Variants in ABCC2 observed in about 807,000 individuals in gnomAD.
ABCC2 encodes ATP binding cassette subfamily C member 2.
Under a neutral mutation model 173.4 loss-of-function variants are expected in ABCC2, and 157 were observed. The observed-to-expected ratio is 0.91, with a 90% CI of 0.80 to 1.03. The LOEUF (loss-of-function observed/expected upper bound fraction) is 1.03, where lower values mean the gene tolerates loss of function less well. Among genes scored for constraint, ABCC2 ranks in the 50% least tolerant of loss-of-function variants. The pLI, the probability that ABCC2 is intolerant of heterozygous loss-of-function variation, is 0.00. For missense variants in ABCC2, 1,822 were observed against 1,852.3 expected, an observed-to-expected ratio of 0.98 and a Z score of 0.30; for synonymous variants, 657 against 693.5, an observed-to-expected ratio of 0.95 and a Z score of 0.83.
At chr10:99,806,834 A>G (rs1199587805) in intron 11 of ABCC2, among the ~76,000 whole-genome samples, 1 of 152,190 alleles carries the variant, frequency 6.6e-6, no homozygotes, top group African/African-American at 2.4e-5. Context: ...ATTATCCTAA[A>G]CTTCTTAAAA....
chr10:99,841,398 C>CA (rs1280516477), intron 25 of ABCC2, among the ~76,000 whole-genome samples: 2 of 151,914 alleles, frequency 1.3e-5, no homozygotes, highest in Non-Finnish European at 2.9e-5. Flanking sequence ...ACAAAAAATA[C>CA]AAAAAAATTA....
intron 3 of ABCC2, among the ~76,000 whole-genome samples, chr10:99,792,926 A>G (rs1257403719): frequency 6.6e-6 from 1 of 152,210 alleles, no homozygotes; most frequent in Non-Finnish European, 1.5e-5. Context: ...TCGCAAACCT[A>G]CGTTCAGGCA....
rs754902981 is a variant in ABCC2 at position 99,834,501 on chromosome 10, T to A, written c.3380T>A (p.Val1127Asp). The change falls in exon 24 of 32, where the codon GTC (valine) becomes GAC (aspartate). Residue 1127 changes from valine (V) to aspartate (D), a missense_variant. By Grantham distance (152) the Val-to-Asp change is radical (BLOSUM62 -3). Coordinates refer to ENST00000647814, the MANE Select transcript of ABCC2 (RefSeq NM_000392.5). ...GCCACTCCTGTCTTCACCATCATCG[T>A]CATTCCTCTTGGCATTATTTATGTA... ...CMATPVFTII[V>D]IPLGIIYVSV... The A allele has an allele frequency of 3.1e-6, 5 of 1,614,084 alleles. No individual in the cohort carries two copies. The Admixed American group carries it at 5.0e-5, about 16-fold the overall frequency.
At chr10:99,850,458 C>T in intron 30 of ABCC2, 144 bp from the exon 31 acceptor site, 2 of 771,780 alleles carry the variant, frequency 2.6e-6, no homozygotes, top group Non-Finnish European at 4.4e-6. Flanking sequence ...CAAGGTACAG[C>T]TAGTTGAAGA....
chr10:99,834,767 C>T (rs2038793020), intron 24 of ABCC2, among the ~76,000 whole-genome samples: 1 of 152,162 alleles, frequency 6.6e-6, no homozygotes, highest in Non-Finnish European at 1.5e-5. Context: ...CTAACTGCTG[C>T]CCACCCTTCA....
chr10:99,805,717 A>G (rs1021099009), intron 11 of ABCC2, among the ~76,000 whole-genome samples: 3 of 151,996 alleles, frequency 2.0e-5, no homozygotes, highest in African/African-American at 4.8e-5. Context: ...AACCCCTACA[A>G]ACTTTTCACC....
At chr10:99,788,208 T>C (rs891833190) in intron 2 of ABCC2, among the ~76,000 whole-genome samples, 3 of 152,228 alleles carry the variant, frequency 2.0e-5, no homozygotes, top group Non-Finnish European at 4.4e-5. Flanking sequence ...TACGTACATA[T>C]ATTTTTTCAC....
At chr10:99,797,068 T>C in intron 6 of ABCC2, 29 bp from the exon 7 acceptor site, 1 of 1,602,922 alleles carries the variant, frequency 6.2e-7, no homozygotes, top group Non-Finnish European at 8.5e-7. Flanking sequence ...AGCCTGGGGG[T>C]CTCAGCCTGT....
chr10:99,833,673 A>G (rs1176718105), intron 23 of ABCC2, among the ~76,000 whole-genome samples: 1 of 152,206 alleles, frequency 6.6e-6, no homozygotes, highest in African/African-American at 2.4e-5. Context: ...AAGGTAGGTT[A>G]GACTCAGGAG....
At chr10:99,801,626 A>G (rs1039316162) in intron 9 of ABCC2, among the ~76,000 whole-genome samples, 1 of 152,248 alleles carries the variant, frequency 6.6e-6, no homozygotes, top group Admixed American at 6.5e-5. Context: ...TTGTTCCTTA[A>G]GAAATGAAAA....
At chr10:99,834,358 T>C (rs2038785018) in intron 23 of ABCC2, 22 bp from the exon 24 acceptor site, 2 of 1,613,294 alleles carry the variant, frequency 1.2e-6, no homozygotes, top group Non-Finnish European at 1.7e-6. Context: ...TGATGGTGTA[T>C]CTCTCCTAAT....
At position 99,793,635 on chromosome 10, in the gene ABCC2, A is replaced by T. The variant is rs1432089433; in HGVS notation, c.418A>T (p.Ile140Leu). ...CCTGTCCCTATTCTGGATTCTCTCG[A>T]TACTCTGTGGCACTTTCCAATTTCA... ...WFLSLFWILS[I>L]LCGTFQFQTL... The change falls in exon 4 of 32, where the codon ATA (isoleucine) becomes TTA (leucine). Residue 140 changes from isoleucine to leucine, a missense_variant. By Grantham distance (5) the Ile-to-Leu change is conservative. Coordinates refer to ENST00000647814, the MANE Select transcript of ABCC2 (RefSeq NM_000392.5). The T allele has an allele frequency of 6.2e-7, 1 of 1,614,064 alleles. No individual in the cohort carries two copies. Among genetic ancestry groups the T allele is most frequent in the Admixed American group, 1.7e-5 (1 of 59,988 alleles).
rs1308714866 is a variant in ABCC2 at position 99,814,258 on chromosome 10, C to G, written c.2094+1114C>G. Among the ~76,000 whole-genome samples, 16 of 49,976 alleles carry G rather than the reference C, an allele frequency of 3.2e-4. 2 individuals carry two copies. The highest frequency in any genetic ancestry group is 5.3e-4 in the Non-Finnish European group (13 of 24,616). The allele number at this position is 49,976 out of a possible 152,430, so 32.8% of individuals were successfully genotyped here. A position where few individuals can be genotyped will look rare whatever the true frequency, so the allele number is the denominator to read the frequency against. On this transcript the variant is annotated intron_variant, in intron 16 of 31. Coordinates refer to ENST00000647814, the MANE Select transcript of ABCC2 (RefSeq NM_000392.5). ...GTATATATGCACACACGTATGTATA[C>G]ACACGTATGTATACACACGTATGTA...
At chr10:99,795,795 GAAAGAA>G (rs1248586426) in intron 6 of ABCC2, among the ~76,000 whole-genome samples, 14,672 of 123,882 alleles carry the variant, frequency 0.12, 1,125 homozygotes, top group Middle Eastern at 0.18. Flanking sequence ...AAGAAAGAAA[GAAAGAA>G]AGATTTCTAA....
chr10:99,821,394 C>T (rs1013260336), intron 19 of ABCC2, among the ~76,000 whole-genome samples: 1 of 152,096 alleles, frequency 6.6e-6, no homozygotes, highest in Non-Finnish European at 1.5e-5. Flanking sequence ...TTACGGGTGT[C>T]GGGCTGGGGG....
At chr10:99,792,200 T>C (rs747758978) in intron 2 of ABCC2, 34 bp from the exon 3 acceptor site, 39 of 1,613,240 alleles carry the variant, frequency 2.4e-5, no homozygotes, top group Non-Finnish European at 3.3e-5. Flanking sequence ...TAAAGAATGA[T>C]ATCCTCTTAA....
In ABCC2 at chr10:99,817,472, GA is replaced by G. The variant is rs1564687941; in HGVS notation, c.2260del (p.Ile754LeufsTer6). The G allele has an allele frequency of 1.9e-6, 3 of 1,614,040 alleles. No homozygotes were observed. The highest frequency in any genetic ancestry group is 1.7e-6 in the Non-Finnish European group (2 of 1,180,028). On this transcript the variant is annotated frameshift_variant, in exon 17 of 32. Transcript: ENST00000647814. LOFTEE classifies it high-confidence loss of function. ...EMLPGGDLAE[I>X]GEKGINLSGG... is the part of the protein sequence containing the mutation. ...TGCTGCCTGGAGGAGATTTGGCTGA[GA>G]TTGGAGAGAAGGTACTTGGGATAAC...
At chr10:99,831,181 G>A (rs1182852177) in intron 21 of ABCC2, among the ~76,000 whole-genome samples, 2 of 152,024 alleles carry the variant, frequency 1.3e-5, no homozygotes, top group African/African-American at 4.8e-5. Context: ...TTTCAAGGTC[G>A]GCAGTAGAAC....
rs778492481 is a variant in ABCC2 at position 99,831,721 on chromosome 10, C to G, written c.2994C>G (p.Leu998=). The G allele has an allele frequency of 1.9e-6, 3 of 1,614,088 alleles. No homozygotes were observed. Among genetic ancestry groups the G allele is most frequent in the Non-Finnish European group, 1.7e-6 (2 of 1,180,040 alleles). ...MNSVAFIGSN[L]WLSAWTSDSK... ...CTGTGGCTTTTATTGGATCCAACCTCTGGCTCAGTGCTTGGACCAGTGACT... is the reference window on the plus strand; with the variant it reads ...CTGTGGCTTTTATTGGATCCAACCTGTGGCTCAGTGCTTGGACCAGTGACT... Residue 998 remains leucine (L), a synonymous_variant, in exon 22 of 32, where the codon CTC becomes CTG. Coordinates refer to ENST00000647814, the MANE Select transcript of ABCC2 (RefSeq NM_000392.5).
Sources: allele counts gnomAD v4.1 joint callset (sites outside exome capture counted in the v4.1 genomes callset), GRCh38; gene constraint gnomAD v4.1.1; transcripts MANE v1.5; gene names NCBI Gene and HGNC (gene_info 2026-07-23, HGNC 2026-07-21).